Variants in PDE4DIP observed in about 807,000 individuals in gnomAD.
The protein encoded by PDE4DIP is myomegalin.
A neutral mutation model predicts 221.4 loss-of-function variants in PDE4DIP; 59 were observed. The ratio of observed to expected loss-of-function variants is 0.27; its 90% CI spans 0.22 to 0.33. The LOEUF (loss-of-function observed/expected upper bound fraction) is 0.33. Ranked by LOEUF, PDE4DIP falls within the 10% of genes least tolerant of loss-of-function variation. The pLI, the probability that PDE4DIP is intolerant of heterozygous loss-of-function variation, is 1.00. For missense variants in PDE4DIP, 1,036 were observed against 2,154.2 expected (o/e 0.48, Z 10.28); for synonymous variants, 404 against 815.9 (o/e 0.50, Z 8.60).
chr1:148,922,745 A>G (rs1399273935), intron 1 of PDE4DIP, among the ~76,000 whole-genome samples: 3 of 148,572 alleles, frequency 2.0e-5, no homozygotes, highest in Non-Finnish European at 4.5e-5. Flanking sequence ...CCGCCACCAC[A>G]CCCGGCTAAT....
chr1:149,016,628 C>T, intron 33 of PDE4DIP, 78 bp downstream of exon 36: 3 of 553,496 alleles, frequency 5.4e-6, no homozygotes, highest in Non-Finnish European at 9.7e-6. Context: ...CCAGGCAGGA[C>T]TATTTCATTC....
At chr1:148,980,725 G>C (rs2060943993) in intron 20 of PDE4DIP, among the ~76,000 whole-genome samples, 1 of 152,092 alleles carries the variant, frequency 6.6e-6, no homozygotes, top group Admixed American at 6.6e-5. Flanking sequence ...CCAGGAAAAT[G>C]AAGGCAGAGG....
At chr1:148,960,073 C>CTTAA (rs1222133799) in intron 5 of PDE4DIP, among the ~76,000 whole-genome samples, 1 of 152,292 alleles carries the variant, frequency 6.6e-6, no homozygotes, top group Non-Finnish European at 1.5e-5. Context: ...ACCCTAAATA[C>CTTAA]TTAAGCATTA....
At chr1:148,844,237 G>A (rs1675804221) in intron 1 of PDE4DIP, 191 bp from the exon 1 acceptor site, 1 of 133,818 alleles carries the variant, frequency 7.5e-6, no homozygotes, top group Admixed American at 8.4e-5. Flanking sequence ...GCTTGGTACC[G>A]CGTCCTCTAA....
At chr1:148,994,541 G>T (rs1344162417) in intron 22 of PDE4DIP, among the ~76,000 whole-genome samples, 1 of 150,530 alleles carries the variant, frequency 6.6e-6, no homozygotes, top group Non-Finnish European at 1.5e-5. Context: ...AGTTATTTTT[G>T]ATTGACAAAT....
chr1:148,918,654 CACA>C (rs2044703267), intron 1 of PDE4DIP, among the ~76,000 whole-genome samples: 22 of 137,926 alleles, frequency 1.6e-4, no homozygotes, highest in Admixed American at 3.6e-4. Flanking sequence ...CACACACACA[CACA>C]CCCTAGCTGT....
chr1:148,987,613 T>G lies in PDE4DIP; in HGVS notation c.2816-4272T>G, dbSNP rs376128222. ...AGTTCTTCAGATCACCTTTTAAAAT[T>G]AATAAAATATGATCTCTTGCTATGT... On this transcript the variant is annotated intron_variant, in intron 21 of 43. Coordinates refer to ENST00000369354, the Ensembl canonical transcript of PDE4DIP. Among the ~76,000 whole-genome samples, 14 of 152,296 alleles carry G rather than the reference T, an allele frequency of 9.2e-5. No homozygotes were observed. In the South Asian group the frequency reaches 1.0e-3, roughly 11 times the overall value.
chr1:148,949,012 C>A (rs1341825673), intron 5 of PDE4DIP, among the ~76,000 whole-genome samples: 1 of 152,164 alleles, frequency 6.6e-6, no homozygotes, highest in Non-Finnish European at 1.5e-5. Context: ...TTGCATATGG[C>A]TTGTTTCACT....
At chr1:148,930,721 A>T (rs2047789098) in intron 2 of PDE4DIP, 1 of 150,278 alleles carries the variant, frequency 6.7e-6, no homozygotes, top group African/African-American at 2.4e-5. Flanking sequence ...CAAATGGAAA[A>T]ACATTCCATG....
chr1:148,954,322 CAGTT>C (rs368187196), intron 5 of PDE4DIP, among the ~76,000 whole-genome samples: 11 of 151,916 alleles, frequency 7.2e-5, no homozygotes, highest in African/African-American at 2.4e-4. Context: ...TTCTGTAAGG[CAGTT>C]AGTTCTCTAG....
At chr1:148,967,974 C>T (rs1297719130) in intron 13 of PDE4DIP, 69 bp downstream of exon 16, 7 of 920,910 alleles carry the variant, frequency 7.6e-6, no homozygotes, top group African/African-American at 1.7e-5. Context: ...GATTAGGACT[C>T]TTCAGATTGG....
At chr1:149,024,539 G>C (rs189778297) in exon 38 of PDE4DIP, 12 of 930,490 alleles carry the variant, frequency 1.3e-5, no homozygotes, top group Admixed American at 2.1e-5. Context: ...AGCTGGAGCA[G>C]AGCATTCAGG....
At chr1:148,954,123 T>C (rs587628521) in intron 5 of PDE4DIP, among the ~76,000 whole-genome samples, 34 of 152,354 alleles carry the variant, frequency 2.2e-4, no homozygotes, top group African/African-American at 7.7e-4. Context: ...TCTGTTGACT[T>C]TCCCATTATC....
At chr1:148,982,301 C>G (rs1553544202) in intron 21 of PDE4DIP, 1 of 152,180 alleles carries the variant, frequency 6.6e-6, no homozygotes, top group Non-Finnish European at 1.5e-5. Flanking sequence ...TCTTTACATT[C>G]AGTGTTTCAC....
chr1:148,816,165 AC>A (rs1667709971), intron 1 of PDE4DIP, among the ~76,000 whole-genome samples: 1 of 138,136 alleles, frequency 7.2e-6, no homozygotes, highest in Non-Finnish European at 1.6e-5. Context: ...TGTTTATACA[AC>A]ATTTTATTAA....
exon 9 of PDE4DIP, chr1:148,962,594 C>G (rs1553513222): frequency 1.7e-6 from 1 of 603,974 alleles, no homozygotes. Flanking sequence ...GAGGCTGCAG[C>G]ACACGAGAGT....
intron 37 of PDE4DIP, among the ~76,000 whole-genome samples, chr1:149,023,208 C>T (rs1242395381): frequency 2.0e-5 from 3 of 152,092 alleles, no homozygotes; most frequent in Non-Finnish European, 4.4e-5. Flanking sequence ...TTAAATTTTT[C>T]AAATACTCAT....
chr1:149,013,923 G>T (rs2152625357), intron 32 of PDE4DIP, among the ~76,000 whole-genome samples: 1 of 151,884 alleles, frequency 6.6e-6, no homozygotes, highest in South Asian at 2.1e-4. Context: ...AAGTAGCTGG[G>T]ATTACAGGTG....
chr1:148,930,107 A>G (rs526448), intron 2 of PDE4DIP: 39 of 150,588 alleles, frequency 2.6e-4, no homozygotes, highest in Non-Finnish European at 3.9e-4. Flanking sequence ...GGTTACTTTT[A>G]TAATTTACAG....
Sources: allele counts gnomAD v4.1 joint callset (sites outside exome capture counted in the v4.1 genomes callset), GRCh38; gene constraint gnomAD v4.1.1; transcripts MANE v1.5; gene names NCBI Gene and HGNC (gene_info 2026-07-23, HGNC 2026-07-21).